Variants in POU6F2 observed in about 807,000 individuals in gnomAD.
The protein encoded by POU6F2 is POU domain, class 6, transcription factor 2.
POU6F2 carries 31 observed loss-of-function variants against 71.3 expected under a neutral mutation model. That is an observed-to-expected ratio of 0.43 (90% confidence interval 0.33 to 0.59). The LOEUF (loss-of-function observed/expected upper bound fraction) is 0.59, where lower values mean the gene tolerates loss of function less well. Among genes scored for constraint, POU6F2 ranks in the 20% least tolerant of loss-of-function variants. The pLI, the probability that POU6F2 is intolerant of heterozygous loss-of-function variation, is 0.04. For missense variants in POU6F2, 783 were observed against 856.8 expected (o/e 0.91, Z 1.07); for synonymous variants, 347 against 355.7 (o/e 0.98, Z 0.27).
intron 6 of POU6F2, among the ~76,000 whole-genome samples, chr7:39,415,621 T>C (rs954721864): frequency 1.3e-5 from 2 of 152,242 alleles, no homozygotes; most frequent in African/African-American, 2.4e-5. Flanking sequence ...GTAACGAATG[T>C]TCACATGACT....
At chr7:39,317,318 C>G (rs1432333245) in intron 4 of POU6F2, among the ~76,000 whole-genome samples, 1 of 152,172 alleles carries the variant, frequency 6.6e-6, no homozygotes, top group Admixed American at 6.5e-5. Flanking sequence ...TTGTAAAAAG[C>G]CAGCACACAC....
chr7:39,063,538 G>A (rs1041346411), intron 1 of POU6F2, among the ~76,000 whole-genome samples: 2 of 152,178 alleles, frequency 1.3e-5, no homozygotes, highest in African/African-American at 4.8e-5. Flanking sequence ...AAACGGATGA[G>A]AGAGACAATG....
At chr7:39,088,806 C>A (rs1791307219) in intron 2 of POU6F2, among the ~76,000 whole-genome samples, 1 of 152,188 alleles carries the variant, frequency 6.6e-6, no homozygotes, top group South Asian at 2.1e-4. Context: ...GAAGCCTCTT[C>A]TCCCATCTGT....
intron 7 of POU6F2, among the ~76,000 whole-genome samples, chr7:39,442,132 C>CA (rs1431531338): frequency 6.6e-6 from 1 of 151,888 alleles, no homozygotes; most frequent in African/African-American, 2.4e-5. Context: ...TCAATGAGTA[C>CA]AAAAAAATCT....
chr7:38,998,572 T>C (rs1338129927), intron 1 of POU6F2, among the ~76,000 whole-genome samples: 1 of 152,186 alleles, frequency 6.6e-6, no homozygotes, highest in African/African-American at 2.4e-5. Flanking sequence ...AAATAAGTAT[T>C]GACATGTTCT....
intron 1 of POU6F2, among the ~76,000 whole-genome samples, chr7:39,078,626 G>C: frequency 6.6e-6 from 1 of 152,166 alleles, no homozygotes. Flanking sequence ...TATCAATTAA[G>C]GCAACTGATC....
chr7:39,193,306 C>T (rs1793709043), intron 2 of POU6F2, among the ~76,000 whole-genome samples: 1 of 152,168 alleles, frequency 6.6e-6, no homozygotes, highest in South Asian at 2.1e-4. Flanking sequence ...GTGGGACCCA[C>T]TCTTCCCCTT....
chr7:39,009,233 C>G (rs1403160610), intron 1 of POU6F2, among the ~76,000 whole-genome samples: 1 of 151,522 alleles, frequency 6.6e-6, no homozygotes, highest in African/African-American at 2.4e-5. Flanking sequence ...TGAAGAGGTC[C>G]TTCACATCCC....
intron 2 of POU6F2, among the ~76,000 whole-genome samples, chr7:39,139,364 G>C (rs1430503433): frequency 1.3e-5 from 2 of 152,154 alleles, no homozygotes; most frequent in African/African-American, 4.8e-5. Flanking sequence ...GCTGATGTTT[G>C]CTGTTGATTT....
intron 1 of POU6F2, among the ~76,000 whole-genome samples, chr7:39,006,472 A>T (rs1467770094): frequency 6.6e-6 from 1 of 151,396 alleles, no homozygotes; most frequent in African/African-American, 2.4e-5. Context: ...TCAAAAAAAT[A>T]AAAAAAAATG....
At chr7:39,167,149 TATA>T (rs1793130141) in intron 2 of POU6F2, among the ~76,000 whole-genome samples, 1 of 152,100 alleles carries the variant, frequency 6.6e-6, no homozygotes, top group Non-Finnish European at 1.5e-5. Flanking sequence ...ATGTTGTATA[TATA>T]ATATCTATAA....
intron 4 of POU6F2, among the ~76,000 whole-genome samples, chr7:39,215,877 TC>T (rs1461617086): frequency 2.0e-5 from 3 of 152,230 alleles, no homozygotes; most frequent in African/African-American, 7.2e-5. Flanking sequence ...AAGGTGTGTT[TC>T]TTTGTTGATT....
At chr7:38,995,545 C>T (rs1159552410) in intron 1 of POU6F2, among the ~76,000 whole-genome samples, 2 of 152,050 alleles carry the variant, frequency 1.3e-5, no homozygotes, top group Non-Finnish European at 2.9e-5. Flanking sequence ...TGTTTGGCTA[C>T]AGAGGGAGAA....
At chr7:39,120,106 G>A (rs548347470) in intron 2 of POU6F2, among the ~76,000 whole-genome samples, 62 of 152,344 alleles carry the variant, frequency 4.1e-4, no homozygotes, top group African/African-American at 1.5e-3. Flanking sequence ...CCTGTTAATT[G>A]TCTGGGTACC....
intron 1 of POU6F2, among the ~76,000 whole-genome samples, chr7:39,035,028 T>G (rs1790027337): frequency 6.6e-6 from 1 of 151,814 alleles, no homozygotes; most frequent in South Asian, 2.1e-4. Context: ...GAGAGAAGGA[T>G]TCTCTAATGT....
chr7:39,147,782 TA>T (rs1792653029), intron 2 of POU6F2, among the ~76,000 whole-genome samples: 1 of 152,174 alleles, frequency 6.6e-6, no homozygotes, highest in South Asian at 2.1e-4. Flanking sequence ...AACCTTGGGA[TA>T]TAGCTTGTCT....
At chr7:39,165,090 G>C (rs1052769509) in intron 2 of POU6F2, among the ~76,000 whole-genome samples, 29 of 152,198 alleles carry the variant, frequency 1.9e-4, no homozygotes, top group African/African-American at 5.3e-4. Flanking sequence ...ATGCTTCCCC[G>C]GGGATTACAG....
chr7:39,283,256 T>C (rs1784593945), intron 4 of POU6F2, among the ~76,000 whole-genome samples: 1 of 152,084 alleles, frequency 6.6e-6, no homozygotes, highest in Non-Finnish European at 1.5e-5. Flanking sequence ...CCTTTCCAAT[T>C]TGAATGCCCT....
intron 5 of POU6F2, among the ~76,000 whole-genome samples, chr7:39,369,624 A>G (rs1488648612): frequency 1.3e-5 from 2 of 152,022 alleles, no homozygotes; most frequent in East Asian, 1.9e-4. Flanking sequence ...TTGGCCTCCC[A>G]AAGTGCTGGG....
Sources: gnomAD v4.1 joint callset for allele counts (sites outside exome capture counted in the v4.1 genomes callset) on GRCh38, gnomAD v4.1.1 for gene constraint, MANE v1.5 for transcripts, NCBI Gene and HGNC (gene_info 2026-07-23, HGNC 2026-07-21) for gene names.